Variants in NCALD observed in about 807,000 individuals in gnomAD.
NCALD encodes the protein neurocalcin delta.
A neutral mutation model predicts 18.6 loss-of-function variants in NCALD; 10 were observed. That is an observed-to-expected ratio of 0.54 (90% CI 0.33 to 0.91). The LOEUF is 0.91. Among genes scored for constraint, NCALD ranks in the 40% least tolerant of loss-of-function variants. The probability of loss-of-function intolerance (pLI) is 0.03; values close to 1 mark genes in which losing one functional copy is unlikely to be tolerated. For synonymous variants in NCALD, 88 were observed against 87.4 expected (o/e 1.01, Z -0.04); for missense variants, 184 against 247.6 (o/e 0.74, Z 1.72).
intron 1 of NCALD, among the ~76,000 whole-genome samples, chr8:102,101,486 T>C (rs1195728421): frequency 6.6e-6 from 1 of 152,224 alleles, no homozygotes; most frequent in Non-Finnish European, 1.5e-5. Flanking sequence ...GTCCTAACAG[T>C]ATTAGCTTGT....
intron 1 of NCALD, among the ~76,000 whole-genome samples, chr8:102,121,734 C>A (rs1489150049): frequency 1.3e-5 from 2 of 152,150 alleles, no homozygotes; most frequent in African/African-American, 4.8e-5. Flanking sequence ...TGTTAGTCTG[C>A]CCCTCACCAT....
intron 1 of NCALD, among the ~76,000 whole-genome samples, chr8:101,771,095 C>T (rs1241451895): frequency 6.6e-6 from 1 of 152,092 alleles, no homozygotes; most frequent in Non-Finnish European, 1.5e-5. Context: ...CTACCTACCC[C>T]CTCCAAAAAA....
intron 4 of NCALD, among the ~76,000 whole-genome samples, chr8:101,799,511 G>A (rs1812760047): frequency 6.6e-6 from 1 of 152,140 alleles, no homozygotes; most frequent in African/African-American, 2.4e-5. Flanking sequence ...GCCGAGAACT[G>A]GGAACCACCC....
At chr8:101,997,147 G>A (rs1417036454) in intron 2 of NCALD, among the ~76,000 whole-genome samples, 2 of 152,160 alleles carry the variant, frequency 1.3e-5, no homozygotes, top group Non-Finnish European at 2.9e-5. Flanking sequence ...TAAGCTCTGA[G>A]AGTCAAAGAC....
chr8:101,749,405 G>A (rs1810559250), intron 1 of NCALD, among the ~76,000 whole-genome samples: 1 of 152,126 alleles, frequency 6.6e-6, no homozygotes, highest in Non-Finnish European at 1.5e-5. Context: ...GCTGACTGCG[G>A]CAAGAGTTCT....
At chr8:101,724,371 C>T (rs991166906) in intron 1 of NCALD, among the ~76,000 whole-genome samples, 7 of 152,182 alleles carry the variant, frequency 4.6e-5, no homozygotes, top group Non-Finnish European at 1.0e-4. Context: ...AACTATGACA[C>T]GTTGGCCTCC....
At chr8:101,871,257 G>A (rs1326184924) in intron 4 of NCALD, among the ~76,000 whole-genome samples, 1 of 152,052 alleles carries the variant, frequency 6.6e-6, no homozygotes, top group Admixed American at 6.6e-5. Context: ...GCCCCCTTTT[G>A]GAGAGGATGG....
chr8:101,805,861 C>G (rs1407829836), intron 4 of NCALD, among the ~76,000 whole-genome samples: 5 of 152,172 alleles, frequency 3.3e-5, no homozygotes, highest in African/African-American at 1.2e-4. Context: ...GAACAAGCCT[C>G]AAATATCAAC....
intron 1 of NCALD, among the ~76,000 whole-genome samples, chr8:101,733,905 G>T (rs1349272831): frequency 6.6e-6 from 1 of 152,192 alleles, no homozygotes; most frequent in Non-Finnish European, 1.5e-5. Context: ...GCAGTTGAAG[G>T]TGAGCTGAAG....
In NCALD at chr8:102,000,955, A is replaced by G. The variant is rs565927551; in HGVS notation, c.-157+19282T>C. ...ACAGAGCAGAAAAACTGAAAAATCT[A>G]AAAATCAGAGTGCCTCTCCTCCTCC... On this transcript the variant is annotated intron_variant, in intron 2 of 6. Coordinates refer to the NCALD transcript ENST00000311028. Among the ~76,000 whole-genome samples the G allele has an allele frequency of 8.5e-5, 13 of 152,338 alleles. No individual in the cohort carries two copies. The South Asian group carries it at 2.5e-3, about 29-fold the overall frequency.
intron 2 of NCALD, among the ~76,000 whole-genome samples, chr8:101,969,760 A>G (rs1820167715): frequency 6.6e-6 from 1 of 152,196 alleles, no homozygotes; most frequent in Admixed American, 6.5e-5. Flanking sequence ...CCCATATTGA[A>G]TCATATGAAA....
intron 2 of NCALD, among the ~76,000 whole-genome samples, chr8:101,702,716 A>G (rs914392977): frequency 1.3e-5 from 2 of 152,256 alleles, no homozygotes; most frequent in Non-Finnish European, 2.9e-5. Context: ...GCAACGGCAG[A>G]AGAGCAAGAG....
intron 3 of NCALD, chr8:101,690,284 C>G (rs1306083961): frequency 1.0e-6 from 1 of 985,296 alleles, no homozygotes. Flanking sequence ...CTTTGTCTAC[C>G]CCGCCCCTGG....
chr8:101,901,592 TAGA>T (rs1375067171), intron 3 of NCALD, among the ~76,000 whole-genome samples: 1 of 152,162 alleles, frequency 6.6e-6, no homozygotes, highest in African/African-American at 2.4e-5. Context: ...AGTGTATTGG[TAGA>T]ATTCTTACCT....
At chr8:101,972,848 A>C (rs1167831299) in intron 2 of NCALD, among the ~76,000 whole-genome samples, 1 of 152,200 alleles carries the variant, frequency 6.6e-6, no homozygotes, top group Non-Finnish European at 1.5e-5. Context: ...AGAGTTCCCC[A>C]GAACTGCATA....
chr8:102,085,977 T>C (rs971067344), intron 1 of NCALD, among the ~76,000 whole-genome samples: 1 of 152,218 alleles, frequency 6.6e-6, no homozygotes, highest in African/African-American at 2.4e-5. Context: ...TATGAATTTA[T>C]GCTGCTTAAT....
At chr8:102,012,165 G>A (rs1216852314) in intron 2 of NCALD, among the ~76,000 whole-genome samples, 7 of 152,144 alleles carry the variant, frequency 4.6e-5, no homozygotes, top group African/African-American at 1.7e-4. Flanking sequence ...CAGCTGTTGT[G>A]GGGACAACTG....
intron 2 of NCALD, among the ~76,000 whole-genome samples, chr8:101,949,231 A>G (rs1819295023): frequency 6.6e-6 from 1 of 152,226 alleles, no homozygotes; most frequent in South Asian, 2.1e-4. Flanking sequence ...GTGAGGAAAG[A>G]GAGCTGTTTT....
intron 2 of NCALD, among the ~76,000 whole-genome samples, chr8:101,943,877 G>C (rs1472203183): frequency 6.6e-6 from 1 of 151,632 alleles, no homozygotes; most frequent in Non-Finnish European, 1.5e-5. Flanking sequence ...GGAGGCGGAG[G>C]TTGCAGTGAG....
Sources: allele counts gnomAD v4.1 joint callset (sites outside exome capture counted in the v4.1 genomes callset), GRCh38; gene constraint gnomAD v4.1.1; transcripts MANE v1.5; gene names NCBI Gene and HGNC (gene_info 2026-07-23, HGNC 2026-07-21).